Variants in SGSM1 observed in about 807,000 individuals in gnomAD.
SGSM1 encodes RUN and TBC1 domain containing 2.
In SGSM1, 73 loss-of-function variants were observed where a neutral mutation model predicts 133.8. That is an observed-to-expected ratio of 0.55 (90% CI 0.45 to 0.66). SGSM1 has a LOEUF of 0.66. Ranked by LOEUF, SGSM1 falls within the 30% of genes least tolerant of loss-of-function variation. The pLI is 0.00. For synonymous variants in SGSM1, 563 were observed against 573.0 expected (o/e 0.98, Z 0.25); for missense variants, 1,213 against 1,448.1 (o/e 0.84, Z 2.64).
At chr22:24,924,139 CTG>C in intron 24 of SGSM1, 45 bp from the exon 25 acceptor site, 1 of 1,573,226 alleles carries the variant, frequency 6.4e-7, no homozygotes, top group Non-Finnish European at 8.7e-7. Context: ...TACCCTAAGA[CTG>C]GACACAGAAG....
chr22:24,905,406 AT>A (rs1289604321), intron 21 of SGSM1, among the ~76,000 whole-genome samples: 1 of 152,220 alleles, frequency 6.6e-6, no homozygotes, highest in African/African-American at 2.4e-5. Flanking sequence ...CTAACCACTG[AT>A]TATATGAATA....
At chr22:24,899,037 A>T (rs1445262955) in intron 19 of SGSM1, among the ~76,000 whole-genome samples, 1 of 150,982 alleles carries the variant, frequency 6.6e-6, no homozygotes, top group Non-Finnish European at 1.5e-5. Flanking sequence ...AAAAAAAAAA[A>T]AAAAAAAAAA....
At chr22:24,850,921 C>G (rs879648694) in intron 5 of SGSM1, among the ~76,000 whole-genome samples, 1 of 151,944 alleles carries the variant, frequency 6.6e-6, no homozygotes, top group Non-Finnish European at 1.5e-5. Context: ...TGCGGTGAAA[C>G]CCCGTCTCTA....
chr22:24,842,381 G>T (rs936220351), intron 2 of SGSM1, among the ~76,000 whole-genome samples: 1 of 152,070 alleles, frequency 6.6e-6, no homozygotes. Flanking sequence ...GACAAATAGG[G>T]ATAATAATGT....
chr22:24,816,286 A>AG (rs1314084666), intron 2 of SGSM1, among the ~76,000 whole-genome samples: 17 of 152,206 alleles, frequency 1.1e-4, no homozygotes, highest in Admixed American at 3.3e-4. Context: ...ACAGCAGAGC[A>AG]GGGTTTGTTA....
At chr22:24,878,968 C>T (rs79975307) in intron 13 of SGSM1, among the ~76,000 whole-genome samples, 1 of 152,224 alleles carries the variant, frequency 6.6e-6, no homozygotes, top group East Asian at 1.9e-4. Flanking sequence ...TCTGTTTCTT[C>T]AGCTCTTGGC....
chr22:24,842,331 A>G (rs1929853452), intron 2 of SGSM1, among the ~76,000 whole-genome samples: 1 of 152,194 alleles, frequency 6.6e-6, no homozygotes, highest in African/African-American at 2.4e-5. Flanking sequence ...GTGACCCCAG[A>G]CAGATTACTC....
At chr22:24,853,431 TAACTC>T (rs1191859210) in intron 5 of SGSM1, among the ~76,000 whole-genome samples, 1 of 152,176 alleles carries the variant, frequency 6.6e-6, no homozygotes, top group African/African-American at 2.4e-5. Context: ...CACTACACAA[TAACTC>T]AAACAAACAA....
intron 21 of SGSM1, among the ~76,000 whole-genome samples, chr22:24,905,873 T>C (rs1028805470): frequency 6.0e-4 from 91 of 150,946 alleles, no homozygotes; most frequent in African/African-American, 2.2e-3. Flanking sequence ...AAGGAAGGAA[T>C]GCTTCTTAAC....
At chr22:24,852,307 G>A (rs62231150) in intron 5 of SGSM1, among the ~76,000 whole-genome samples, 14,357 of 151,954 alleles carry the variant, frequency 0.094, 768 homozygotes, top group East Asian at 0.15. Flanking sequence ...AACTTTTAAC[G>A]CATGTGTAGT....
In SGSM1 at chr22:24,898,453, C is replaced by T. The variant is rs148007895; in HGVS notation, c.2504C>T (p.Ser835Leu). 219 of 1,613,892 alleles carry T rather than the reference C, an allele frequency of 1.4e-4. 1 individual carries two copies. The African/African-American group carries it at 2.2e-3, about 16-fold the overall frequency. Residue 835 changes from serine to leucine, a missense_variant, in exon 19 of 25, where the codon TCG becomes TTG. Transcript: ENST00000400358. ...HGQADSEDNL[S>L]EEPEMESLFP... Reference sequence around the variant, plus strand: ...CAGGCGGACAGTGAGGACAACCTCTCGGAGGAGCCTGAGATGGAAAGTCTC... The same window carrying T: ...CAGGCGGACAGTGAGGACAACCTCTTGGAGGAGCCTGAGATGGAAAGTCTC...
chr22:24,913,746 G>A (rs1393054360), intron 22 of SGSM1, among the ~76,000 whole-genome samples: 2 of 152,210 alleles, frequency 1.3e-5, no homozygotes, highest in African/African-American at 4.8e-5. Flanking sequence ...TAGGCCTGGG[G>A]TGGTGGTTCA....
chr22:24,822,015 G>A (rs9624619), intron 2 of SGSM1, among the ~76,000 whole-genome samples: 8,292 of 151,252 alleles, frequency 0.055, 449 homozygotes, highest in Admixed American at 0.15. Flanking sequence ...GCATGCATCC[G>A]CCATCACAGT....
chr22:24,869,532 A>G (rs750165878), intron 12 of SGSM1, among the ~76,000 whole-genome samples: 1 of 152,222 alleles, frequency 6.6e-6, no homozygotes, highest in African/African-American at 2.4e-5. Flanking sequence ...AAATAAATGC[A>G]AATTAAAATA....
chr22:24,868,138 A>G (rs1169626932), intron 10 of SGSM1, among the ~76,000 whole-genome samples: 3 of 152,004 alleles, frequency 2.0e-5, no homozygotes, highest in Non-Finnish European at 2.9e-5. Context: ...AGGGAGGTCA[A>G]CTCGGTTCTT....
Position 24,901,777 on chromosome 22 carries a change from G to A in SGSM1, c.2611-56G>A. 2.5e-6 allele frequency: 4 copies of A among 1,588,322 alleles called. No individual in the cohort carries two copies. The South Asian group carries it at 4.6e-5, about 18-fold the overall frequency. On this transcript the variant is annotated intron_variant, in intron 19 of 24. Transcript: ENST00000400358. ...GATAGGATTGCTGCTTTCCAGTGGG[G>A]ACTTAGATGTGATTTTTCATTTCTT...
chr22:24,852,025 T>C (rs1930511791), intron 5 of SGSM1, among the ~76,000 whole-genome samples: 1 of 152,238 alleles, frequency 6.6e-6, no homozygotes, highest in South Asian at 2.1e-4. Flanking sequence ...ATTAAGTTGG[T>C]CAAAGGGAAT....
At chr22:24,876,005 T>C (rs111316779) in intron 12 of SGSM1, among the ~76,000 whole-genome samples, 1 of 152,242 alleles carries the variant, frequency 6.6e-6, no homozygotes, top group African/African-American at 2.4e-5. Flanking sequence ...GCCATATTGC[T>C]TTTTAACAAG....
At chr22:24,851,663 C>T (rs139673) in intron 5 of SGSM1, among the ~76,000 whole-genome samples, 27,372 of 152,136 alleles carry the variant, frequency 0.18, 2,729 homozygotes, top group South Asian at 0.29. Flanking sequence ...AACCAGCCAA[C>T]AGTCATGCTG....
Sources: allele counts gnomAD v4.1 joint callset (sites outside exome capture counted in the v4.1 genomes callset), GRCh38; gene constraint gnomAD v4.1.1; transcripts MANE v1.5; gene names NCBI Gene and HGNC (gene_info 2026-07-23, HGNC 2026-07-21).